BANP: variants seen among roughly 807,000 people sequenced by gnomAD.
BANP encodes the protein protein BANP.
In BANP, 11 loss-of-function variants were observed where a neutral mutation model predicts 68.1. The observed-to-expected ratio is 0.16, with a 90% CI of 0.10 to 0.27. The LOEUF is 0.27. Among genes scored for constraint, BANP ranks in the 10% least tolerant of loss-of-function variants. BANP has a pLI of 1.00. For synonymous variants in BANP, 329 were observed against 303.2 expected (o/e 1.09, Z -0.88); for missense variants, 504 against 722.7 (o/e 0.70, Z 3.47).
chr16:87,976,834 C>G (rs559669272), intron 2 of BANP, among the ~76,000 whole-genome samples: 3 of 152,162 alleles, frequency 2.0e-5, no homozygotes, highest in Non-Finnish European at 4.4e-5. Flanking sequence ...GTTTTCCACA[C>G]CATCATTGCA....
intron 11 of BANP, among the ~76,000 whole-genome samples, chr16:88,065,032 G>A (rs774738503): frequency 3.3e-5 from 5 of 152,244 alleles, no homozygotes; most frequent in Non-Finnish European, 5.9e-5. Flanking sequence ...CTGAAGGCAC[G>A]GACTGCCAGG....
In BANP at chr16:87,993,592, T is replaced by G. The variant is rs549802797; in HGVS notation, c.362+9333T>G. Among the ~76,000 whole-genome samples the G allele has an allele frequency of 2.0e-3, 271 of 134,790 alleles. 1 individual carries two copies. The highest frequency in any genetic ancestry group is 0.012 in the Middle Eastern group (3 of 252). The allele number at this position is 134,790 out of a possible 152,430, so 88.4% of individuals were successfully genotyped here. On this transcript the variant is annotated intron_variant, in intron 4 of 13. Coordinates refer to ENST00000682872, the MANE Select transcript of BANP (RefSeq NM_001386991.1). Reference sequence around the variant, plus strand: ...ATTGTAGGTGTTTCATCATTAGTGGTTTTTTTTTTTCCCTTTTTTTCTTTT... The same window carrying G: ...ATTGTAGGTGTTTCATCATTAGTGGGTTTTTTTTTTCCCTTTTTTTCTTTT...
intron 11 of BANP, among the ~76,000 whole-genome samples, chr16:88,051,289 G>T (rs66722335): frequency 0.11 from 16,378 of 152,290 alleles, 1,739 homozygotes; most frequent in African/African-American, 0.28. Context: ...AATCTTGAAT[G>T]TGAAAAGATT....
At chr16:87,985,037 G>T (rs1012272784) in intron 4 of BANP, among the ~76,000 whole-genome samples, 1 of 152,124 alleles carries the variant, frequency 6.6e-6, no homozygotes, top group African/African-American at 2.4e-5. Flanking sequence ...GGCAGCGGGG[G>T]CGCCGGGGAG....
chr16:88,050,896 A>G (rs913874105), intron 11 of BANP, among the ~76,000 whole-genome samples: 1 of 152,084 alleles, frequency 6.6e-6, no homozygotes, highest in Non-Finnish European at 1.5e-5. Flanking sequence ...CCTGTTGCAC[A>G]GACTGGTCTC....
At chr16:88,035,944 G>T (rs975218990) in intron 10 of BANP, among the ~76,000 whole-genome samples, 1 of 152,218 alleles carries the variant, frequency 6.6e-6, no homozygotes, top group Non-Finnish European at 1.5e-5. Flanking sequence ...GCTCTACCCG[G>T]CCACGCACTC....
intron 11 of BANP, among the ~76,000 whole-genome samples, chr16:88,049,799 C>G (rs1298066643): frequency 6.6e-6 from 1 of 152,218 alleles, no homozygotes; most frequent in Non-Finnish European, 1.5e-5. Flanking sequence ...CTCAGTGACA[C>G]GACGCCCCAG....
intron 7 of BANP, among the ~76,000 whole-genome samples, chr16:88,019,610 CGG>C (rs1159537558): frequency 1.9e-4 from 5 of 26,920 alleles, no homozygotes; most frequent in African/African-American, 4.5e-4. Context: ...TCTCAGCGTG[CGG>C]GGGGCGTCCG....
intron 4 of BANP, among the ~76,000 whole-genome samples, chr16:87,999,070 A>G (rs2068249030): frequency 7.1e-6 from 1 of 140,004 alleles, no homozygotes; most frequent in Non-Finnish European, 1.5e-5. Flanking sequence ...ACACGTCTCC[A>G]TGCACGCACG....
At chr16:88,067,690 C>G (rs779886399) in intron 12 of BANP, among the ~76,000 whole-genome samples, 17 of 152,196 alleles carry the variant, frequency 1.1e-4, no homozygotes, top group Non-Finnish European at 2.4e-4. Context: ...GGCGCTCACC[C>G]TGCCATGCTC....
At chr16:88,037,751 C>T in intron 10 of BANP, 1 of 591,146 alleles carries the variant, frequency 1.7e-6, no homozygotes, top group East Asian at 2.8e-5. Flanking sequence ...GAGTACAATG[C>T]TTTTTGAGTT....
intron 6 of BANP, among the ~76,000 whole-genome samples, chr16:88,007,964 C>T (rs1320099125): frequency 1.3e-5 from 2 of 152,002 alleles, no homozygotes; most frequent in South Asian, 2.1e-4. Context: ...GTCATCACTT[C>T]GGACTAATTC....
chr16:88,063,126 G>A (rs528282094), intron 11 of BANP, among the ~76,000 whole-genome samples: 87 of 152,352 alleles, frequency 5.7e-4, no homozygotes, highest in African/African-American at 2.0e-3. Flanking sequence ...GCAGCCAAGC[G>A]GAGGGCGCAC....
intron 1 of BANP, among the ~76,000 whole-genome samples, chr16:87,963,015 G>A (rs1474730708): frequency 6.6e-6 from 1 of 152,134 alleles, no homozygotes; most frequent in African/African-American, 2.4e-5. Context: ...TTTCTTAGCA[G>A]TTTCCTCGTT....
rs376119191 is a variant in BANP at position 87,984,235 on chromosome 16, C to A, written c.338C>A (p.Thr113Asn). The A allele has an allele frequency of 6.3e-7, 1 of 1,599,248 alleles. No individual in the cohort carries two copies. The highest frequency in any genetic ancestry group is 8.5e-7 in the Non-Finnish European group (1 of 1,172,008). The change falls in exon 4 of 14, where the codon ACC (threonine) becomes AAC (asparagine). Residue 113 changes from threonine (T) to asparagine (N), a missense_variant. This residue lies in a region of BANP where 238 missense variants were observed against 278.9 expected (regional missense o/e 0.85). Coordinates refer to ENST00000682872, the MANE Select transcript of BANP (RefSeq NM_001386991.1). ...PMVAGSPLGA[T>N]QTCNKVRCVV... ...GTGGCCGGCTCCCCTCTCGGGGCAA[C>A]CCAGACGTGCAACAAAGTGCGATGG...
Position 88,003,766 on chromosome 16 carries a change from C to T in BANP, c.363-529C>T, listed in dbSNP as rs984996169. On this transcript the variant is annotated intron_variant, in intron 4 of 13. Transcript: ENST00000682872. The surrounding 1 kb of genome is among the most constrained non-coding windows in gnomAD (Gnocchi z 6.1). ...CAGGACCTGGAGGCAGCATGTGTGT[C>T]CTTCCATCCCAAGTCCAACGTGATG... 6.2e-6 allele frequency: 2 copies of T among 321,938 alleles called. No homozygotes were observed. Among genetic ancestry groups the T allele is most frequent in the Non-Finnish European group, 1.2e-5 (2 of 164,548 alleles). The allele number at this position is 321,938 out of a possible 1,614,324, so 19.9% of individuals were successfully genotyped here.
At chr16:88,050,770 C>T (rs542048972) in intron 11 of BANP, among the ~76,000 whole-genome samples, 23 of 152,292 alleles carry the variant, frequency 1.5e-4, no homozygotes, top group African/African-American at 5.5e-4. Context: ...CTCACTGCAA[C>T]CTCTGCCTCC....
chr16:88,016,260 C>T (rs1489472393), intron 6 of BANP, among the ~76,000 whole-genome samples: 13 of 152,246 alleles, frequency 8.5e-5, no homozygotes, highest in Non-Finnish European at 1.5e-5. Flanking sequence ...CTGGGAAATG[C>T]GTGGTGCAGG....
At chr16:88,020,621 G>C (rs987242479) in intron 7 of BANP, among the ~76,000 whole-genome samples, 2 of 152,210 alleles carry the variant, frequency 1.3e-5, no homozygotes, top group Non-Finnish European at 2.9e-5. Flanking sequence ...AGAGGAGTGG[G>C]TGCTCTTTGG....
Sources: allele counts gnomAD v4.1 joint callset (sites outside exome capture counted in the v4.1 genomes callset), GRCh38; gene constraint gnomAD v4.1.1; regional missense constraint gnomAD v4.1.1; non-coding constraint Gnocchi (gnomAD v3.1); transcripts MANE v1.5; gene names NCBI Gene and HGNC (gene_info 2026-07-23, HGNC 2026-07-21).